NPAS1: variants seen among roughly 807,000 people sequenced by gnomAD.
NPAS1 encodes the protein neuronal PAS domain protein 1.
A neutral mutation model predicts 49.2 loss-of-function variants in NPAS1; 29 were observed. That is an observed-to-expected ratio of 0.59 (90% confidence interval 0.44 to 0.80). NPAS1 has a LOEUF of 0.80. Among genes scored for constraint, NPAS1 ranks in the 30% least tolerant of loss-of-function variants. NPAS1 has a pLI of 0.00. For synonymous variants in NPAS1, 408 were observed against 380.4 expected, an observed-to-expected ratio of 1.07 and a Z score of -0.84; for missense variants, 825 against 835.5, an observed-to-expected ratio of 0.99 and a Z score of 0.15.
chr19:47,043,594 AAAC>A (rs199853310), intron 11 of NPAS1, among the ~76,000 whole-genome samples: 7,947 of 149,884 alleles, frequency 0.053, 641 homozygotes, highest in African/African-American at 0.18. Context: ...AAAACAAAAC[AAAC>A]AAACAAAAAA....
In NPAS1 at chr19:47,031,261, C is replaced by T. The variant is rs1418619355; in HGVS notation, c.359-1017C>T. Among the ~76,000 whole-genome samples the T allele has an allele frequency of 4.7e-5, 7 of 148,684 alleles. No homozygotes were observed. In the Admixed American group the frequency reaches 4.7e-4, roughly 10 times the overall value. On this transcript the variant is annotated intron_variant, in intron 3 of 11. Coordinates refer to ENST00000602212, the MANE Select transcript of NPAS1 (RefSeq NM_002517.4). The stretch of plus-strand genomic sequence containing the variant: ...TTGCCCAGGCTGCAGTGCAGTGGCG[C>T]GATCTTGACTCACTGCAACCTCCGC...
intron 9 of NPAS1, 68 bp downstream of exon 9, chr19:47,040,618 C>T (rs1342861351): frequency 9.2e-7 from 1 of 1,091,170 alleles, no homozygotes; most frequent in African/African-American, 1.5e-5. Flanking sequence ...ACTCCCTGGT[C>T]CCTGGAAGTC....
intron 3 of NPAS1, among the ~76,000 whole-genome samples, chr19:47,027,806 T>C (rs958972995): frequency 2.6e-5 from 4 of 151,966 alleles, no homozygotes; most frequent in Non-Finnish European, 5.9e-5. Flanking sequence ...CCACAGCAAG[T>C]GTTTGTTAAA....
At chr19:47,039,287 G>C in intron 7 of NPAS1, 120 bp from the exon 8 acceptor site, 2 of 1,481,388 alleles carry the variant, frequency 1.4e-6, no homozygotes, top group Non-Finnish European at 1.8e-6. Context: ...GACTGGGGGG[G>C]TCACACAGTG....
chr19:47,023,649 T>C (rs571203683), intron 3 of NPAS1, among the ~76,000 whole-genome samples: 1 of 152,202 alleles, frequency 6.6e-6, no homozygotes, highest in Admixed American at 6.5e-5. Context: ...GGGAGGGGAC[T>C]CCCATGCCCT....
intron 3 of NPAS1, among the ~76,000 whole-genome samples, chr19:47,031,438 T>G (rs2056904634): frequency 6.6e-6 from 1 of 152,102 alleles, no homozygotes; most frequent in African/African-American, 2.4e-5. Flanking sequence ...CCTCAAGTGA[T>G]CTACCCTCCT....
rs1599920565 is a variant in NPAS1 at position 47,040,837 on chromosome 19, T to C, written c.1070-141T>C. ...TCTCTGACTCTGCCTCTCTGTGCTTTCACCTTTTTCTCTTCTCCCCACCGT... is the reference window on the plus strand; with the variant it reads ...TCTCTGACTCTGCCTCTCTGTGCTTCCACCTTTTTCTCTTCTCCCCACCGT... On this transcript the variant is annotated intron_variant, in intron 9 of 11. Transcript: ENST00000602212. 9.6e-6 allele frequency: 7 copies of C among 727,450 alleles called. No homozygotes were observed. The East Asian group carries it at 1.7e-4, about 18-fold the overall frequency. The allele number at this position is 727,450 out of a possible 1,614,324, so 45.1% of individuals were successfully genotyped here. A position where few individuals can be genotyped will look rare whatever the true frequency, so the allele number is the denominator to read the frequency against.
At chr19:47,034,740 C>T (rs1361933424) in intron 5 of NPAS1, among the ~76,000 whole-genome samples, 3 of 151,606 alleles carry the variant, frequency 2.0e-5, no homozygotes, top group Non-Finnish European at 4.4e-5. Flanking sequence ...GCCGGGTGTG[C>T]TGGCAGATGC....
intron 11 of NPAS1, among the ~76,000 whole-genome samples, chr19:47,043,667 G>A (rs1479082081): frequency 2.6e-5 from 4 of 152,180 alleles, no homozygotes; most frequent in Admixed American, 2.6e-4. Flanking sequence ...TGAGGCAGGA[G>A]AGTCGCTTCT....
At chr19:47,043,107 C>A (rs1221225949) in intron 11 of NPAS1, among the ~76,000 whole-genome samples, 1 of 151,746 alleles carries the variant, frequency 6.6e-6, no homozygotes, top group African/African-American at 2.4e-5. Flanking sequence ...GAGATCAAGA[C>A]CAACATGGTG....
At chr19:47,033,551 AT>A (rs1219422818) in intron 5 of NPAS1, among the ~76,000 whole-genome samples, 2 of 152,080 alleles carry the variant, frequency 1.3e-5, no homozygotes, top group Admixed American at 6.6e-5. Context: ...TGAGGGGGCT[AT>A]TAAAGTAACA....
In NPAS1 at chr19:47,037,338, C is replaced by CAAAAAAAAAAAA. The variant is rs869125845; in HGVS notation, c.688+1228_688+1239dup. 7.7e-5 allele frequency among the ~76,000 whole-genome samples: 4 copies of CAAAAAAAAAAAA among 51,788 alleles called. 1 individual carries two copies. Among genetic ancestry groups the CAAAAAAAAAAAA allele is most frequent in the African/African-American group, 3.3e-4 (4 of 12,162 alleles). 34.0% of individuals were successfully genotyped at this position (51,788 alleles called of 152,430 possible). On this transcript the variant is annotated intron_variant, in intron 6 of 11. Coordinates refer to ENST00000602212, the MANE Select transcript of NPAS1 (RefSeq NM_002517.4). ...TGCACTCTGAGTGAGACTCCGTCTCCAAAAAAAAAAAAAAAAAAAAAAAAA... is the reference window on the plus strand; with the variant it reads ...TGCACTCTGAGTGAGACTCCGTCTCCAAAAAAAAAAAAAAAAAAAAAAAAAAAAAAAAAAAAA...
At chr19:47,025,574 A>G (rs2056866477) in intron 3 of NPAS1, among the ~76,000 whole-genome samples, 1 of 151,868 alleles carries the variant, frequency 6.6e-6, no homozygotes, top group South Asian at 2.1e-4. Flanking sequence ...CACCGCACCC[A>G]GCCCTTTTTA....
At chr19:47,028,681 G>A (rs2056888655) in intron 3 of NPAS1, among the ~76,000 whole-genome samples, 3 of 152,118 alleles carry the variant, frequency 2.0e-5, no homozygotes, top group East Asian at 1.9e-4. Flanking sequence ...TGGTCCCAGG[G>A]CACACAGCCA....
chr19:47,044,969 G>T (rs2057058902), intron 11 of NPAS1, among the ~76,000 whole-genome samples: 1 of 152,160 alleles, frequency 6.6e-6, no homozygotes, highest in Non-Finnish European at 1.5e-5. Flanking sequence ...GGCGGAGGTT[G>T]CAGTGAGCTG....
rs753919836 is a variant in NPAS1 at position 47,036,030 on chromosome 19, C to G, written c.589C>G (p.Gln197Glu). The G allele has an allele frequency of 6.2e-7, 1 of 1,604,068 alleles. No individual in the cohort carries two copies. Reference sequence around the variant, plus strand: ...TGGGGACCACTCAGAGGTGCTGGAGCAACTGGGGCTGCGGACGCCGACGCC... The same window carrying G: ...TGGGGACCACTCAGAGGTGCTGGAGGAACTGGGGCTGCGGACGCCGACGCC... ...HPGDHSEVLEQLGLRTPTPGP... is the reference protein window; with the variant it reads ...HPGDHSEVLEELGLRTPTPGP... The change falls in exon 6 of 12, where the codon CAA becomes GAA. Residue 197 changes from glutamine (Q) to glutamate (E), a missense_variant. Physicochemically the swap from Gln to Glu is conservative, Grantham distance 29 (BLOSUM62 2). Coordinates refer to ENST00000602212, the MANE Select transcript of NPAS1 (RefSeq NM_002517.4).
At chr19:47,032,419 A>G (rs1446292018) in intron 4 of NPAS1, 68 bp downstream of exon 4, 2 of 1,504,294 alleles carry the variant, frequency 1.3e-6, no homozygotes, top group African/African-American at 1.4e-5. Flanking sequence ...GGAGAACAGC[A>G]GCCTCTTCAG....
chr19:47,031,959 T>C (rs2056908582), intron 3 of NPAS1, among the ~76,000 whole-genome samples: 1 of 152,072 alleles, frequency 6.6e-6, no homozygotes, highest in Non-Finnish European at 1.5e-5. Flanking sequence ...CTGGTCACCG[T>C]TGCACTCCCA....
chr19:47,030,053 T>G (rs1456401750), intron 3 of NPAS1, among the ~76,000 whole-genome samples: 1 of 152,124 alleles, frequency 6.6e-6, no homozygotes, highest in African/African-American at 2.4e-5. Context: ...AGATGGAGTC[T>G]CGCTCTGTCA....
Sources: gnomAD v4.1 joint callset for allele counts (sites outside exome capture counted in the v4.1 genomes callset) on GRCh38, gnomAD v4.1.1 for gene constraint, MANE v1.5 for transcripts, NCBI Gene and HGNC (gene_info 2026-07-23, HGNC 2026-07-21) for gene names.